Variants in NRG1 observed in about 807,000 individuals in gnomAD.
The protein encoded by NRG1 is pro-neuregulin-1, membrane-bound isoform.
In NRG1, 18 loss-of-function variants were observed where a neutral mutation model predicts 63.8. That is an observed-to-expected ratio of 0.28 (90% confidence interval 0.19 to 0.42). NRG1 has a LOEUF of 0.42. NRG1 is among the 10% of genes least tolerant of loss of function. The pLI is 1.00. For synonymous variants in NRG1, 302 were observed against 301.3 expected, an observed-to-expected ratio of 1.00 and a Z score of -0.02; for missense variants, 762 against 814.7, an observed-to-expected ratio of 0.94 and a Z score of 0.79.
At chr8:32,659,615 C>T (rs1273096649) in intron 5 of NRG1, among the ~76,000 whole-genome samples, 1 of 152,068 alleles carries the variant, frequency 6.6e-6, no homozygotes, top group Non-Finnish European at 1.5e-5. Flanking sequence ...TTCTTGAGGA[C>T]ACCATAGCAC....
chr8:32,512,661 GC>G (rs1436490548), intron 1 of NRG1, among the ~76,000 whole-genome samples: 7 of 152,192 alleles, frequency 4.6e-5, no homozygotes, highest in Non-Finnish European at 1.0e-4. Context: ...AGTCCACACA[GC>G]TAGTTAGTGG....
rs1563636341 is a variant in NRG1 at position 32,555,628 on chromosome 8, C to CGA, written c.100+6803_100+6804insAG. 8.3e-3 allele frequency among the ~76,000 whole-genome samples: 1,268 copies of CGA among 152,200 alleles called. 16 individuals are homozygous for CGA. The highest frequency in any genetic ancestry group is 0.029 in the African/African-American group (1,207 of 41,510). ...CTGGGACTACAGGCGCCCACCACCA[C>CGA]GCCCGGCTGATTTTTTGTATTTCTA... On this transcript the variant is annotated intron_variant, in intron 1 of 11. Transcript: ENST00000356819.
chr8:31,845,956 GT>G (rs367857963), intron 1 of NRG1, among the ~76,000 whole-genome samples: 11 of 152,052 alleles, frequency 7.2e-5, no homozygotes, highest in East Asian at 3.9e-4. Context: ...ATTCCAAAGA[GT>G]TTTTTTTCCT....
chr8:32,568,713 G>A (rs1837940782), intron 1 of NRG1, among the ~76,000 whole-genome samples: 1 of 152,160 alleles, frequency 6.6e-6, no homozygotes, highest in Non-Finnish European at 1.5e-5. Context: ...TTAGGATCAT[G>A]CCTGCAGAGA....
chr8:32,284,934 C>T (rs992154011), intron 1 of NRG1, among the ~76,000 whole-genome samples: 1 of 152,174 alleles, frequency 6.6e-6, no homozygotes, highest in Non-Finnish European at 1.5e-5. Context: ...ACACAACTGG[C>T]ACGGTAAAGA....
chr8:32,321,409 A>G (rs1476487286), intron 1 of NRG1, among the ~76,000 whole-genome samples: 1 of 151,412 alleles, frequency 6.6e-6, no homozygotes, highest in African/African-American at 2.4e-5. Flanking sequence ...AAATTAGTTG[A>G]TACTCTTTGG....
intron 5 of NRG1, among the ~76,000 whole-genome samples, chr8:32,678,441 C>CT (rs916141806): frequency 8.7e-5 from 13 of 150,034 alleles, no homozygotes; most frequent in South Asian, 2.1e-4. Context: ...CTAACATAGA[C>CT]TTTTTTTTTT....
chr8:32,163,152 A>T (rs1839024103), intron 1 of NRG1, among the ~76,000 whole-genome samples: 1 of 152,132 alleles, frequency 6.6e-6, no homozygotes, highest in Non-Finnish European at 1.5e-5. Context: ...CAGGAAGGGA[A>T]CCCTTCCAGG....
chr8:32,323,486 A>G (rs1586825947), intron 1 of NRG1, among the ~76,000 whole-genome samples: 1 of 152,150 alleles, frequency 6.6e-6, no homozygotes, highest in Non-Finnish European at 1.5e-5. Context: ...GACAGGGCTC[A>G]CCCGCCCATC....
intron 1 of NRG1, among the ~76,000 whole-genome samples, chr8:31,683,660 C>T (rs1216397705): frequency 6.6e-6 from 1 of 152,050 alleles, no homozygotes; most frequent in Non-Finnish European, 1.5e-5. Flanking sequence ...AAATGTACAG[C>T]CCTGAGAGTG....
intron 1 of NRG1, among the ~76,000 whole-genome samples, chr8:32,073,005 T>TG (rs998770354): frequency 1.6e-3 from 25 of 15,470 alleles, no homozygotes; most frequent in African/African-American, 2.6e-3. Context: ...GCATCAGGTC[T>TG]GGGAAAAAAA....
chr8:32,395,092 C>T (rs1315992008), intron 1 of NRG1, among the ~76,000 whole-genome samples: 1 of 152,154 alleles, frequency 6.6e-6, no homozygotes, highest in Admixed American at 6.5e-5. Context: ...ATATGTAATA[C>T]TTTCTAAATA....
At chr8:32,687,055 G>A (rs905869459) in intron 5 of NRG1, among the ~76,000 whole-genome samples, 1 of 152,116 alleles carries the variant, frequency 6.6e-6, no homozygotes, top group Non-Finnish European at 1.5e-5. Context: ...CTTTGGGATA[G>A]TTGATATTTC....
chr8:31,976,136 G>A (rs894875457), intron 1 of NRG1, among the ~76,000 whole-genome samples: 33 of 152,134 alleles, frequency 2.2e-4, no homozygotes, highest in South Asian at 2.1e-4. Flanking sequence ...TAATATAGGC[G>A]TTTTGAGGAT....
intron 1 of NRG1, among the ~76,000 whole-genome samples, chr8:32,222,905 C>T (rs1277803918): frequency 6.6e-6 from 1 of 152,194 alleles, no homozygotes; most frequent in Non-Finnish European, 1.5e-5. Context: ...TTGCCGGTGA[C>T]AGCACTAAGC....
At chr8:31,781,019 A>G (rs2131613165) in intron 1 of NRG1, among the ~76,000 whole-genome samples, 1 of 152,286 alleles carries the variant, frequency 6.6e-6, no homozygotes. Context: ...CTTAAAGTGG[A>G]TTATACCTAT....
At chr8:32,276,651 T>G (rs1437989210) in intron 1 of NRG1, among the ~76,000 whole-genome samples, 1 of 152,140 alleles carries the variant, frequency 6.6e-6, no homozygotes, top group Admixed American at 6.5e-5. Flanking sequence ...ACTACAGGTA[T>G]GCACCACCAC....
At chr8:32,678,930 C>T (rs1327001258) in intron 5 of NRG1, among the ~76,000 whole-genome samples, 1 of 151,768 alleles carries the variant, frequency 6.6e-6, no homozygotes, top group East Asian at 1.9e-4. Flanking sequence ...TAAAGGTTGG[C>T]CATTACATAC....
intron 1 of NRG1, among the ~76,000 whole-genome samples, chr8:32,298,970 T>G (rs56254848): frequency 0.12 from 15,711 of 135,078 alleles, 1,089 homozygotes; most frequent in Middle Eastern, 0.18. Flanking sequence ...GAGGTTGCAG[T>G]GAGCCAAGAT....
Sources: allele counts gnomAD v4.1 joint callset (sites outside exome capture counted in the v4.1 genomes callset), GRCh38; gene constraint gnomAD v4.1.1; transcripts MANE v1.5; gene names NCBI Gene and HGNC (gene_info 2026-07-23, HGNC 2026-07-21).